Variants in ZNF251 observed in about 807,000 individuals in gnomAD.
The protein encoded by ZNF251 is zinc finger protein 251.
ZNF251 carries 14 observed loss-of-function variants against 13.5 expected under a neutral mutation model. The observed-to-expected ratio is 1.04, with a 90% CI of 0.69 to 1.63. ZNF251 has a LOEUF of 1.63. Ranked by LOEUF, ZNF251 falls within the 40% of genes most tolerant of loss-of-function variation. The pLI, the probability that ZNF251 is intolerant of heterozygous loss-of-function variation, is 0.00. For missense variants in ZNF251, 764 were observed against 834.9 expected, an observed-to-expected ratio of 0.92 and a Z score of 1.05; for synonymous variants, 287 against 295.2, an observed-to-expected ratio of 0.97 and a Z score of 0.28.
intron 4 of ZNF251, among the ~76,000 whole-genome samples, chr8:144,724,341 C>CT (rs887711607): frequency 1.3e-5 from 2 of 150,080 alleles, no homozygotes; most frequent in Admixed American, 6.6e-5. Flanking sequence ...AATAAATGAC[C>CT]TTTTTTTGAG....
chr8:144,732,636 C>T (rs779415771), intron 4 of ZNF251, among the ~76,000 whole-genome samples: 3 of 151,346 alleles, frequency 2.0e-5, no homozygotes, highest in Admixed American at 6.6e-5. Context: ...CACGGTGAAA[C>T]CCCGTCTCTA....
intron 1 of ZNF251, 179 bp from the exon 2 acceptor site, chr8:144,754,982 A>C: frequency 7.1e-7 from 1 of 1,401,176 alleles, no homozygotes; most frequent in African/African-American, 1.5e-5. Context: ...GGCCAGAGCC[A>C]GAGCCCGGGG....
chr8:144,744,928 C>T (rs866123671), intron 4 of ZNF251, among the ~76,000 whole-genome samples: 5 of 152,204 alleles, frequency 3.3e-5, no homozygotes, highest in South Asian at 2.1e-4. Context: ...TGGTGGCGGG[C>T]GCCTGTAATC....
intron 4 of ZNF251, among the ~76,000 whole-genome samples, chr8:144,729,339 T>A (rs190128176): frequency 0.12 from 9,925 of 81,974 alleles, 1,050 homozygotes; most frequent in African/African-American, 0.26. Flanking sequence ...ATTTTTATTT[T>A]TTTTTTTTTT....
At position 144,734,579 on chromosome 8, in the gene ZNF251, G is replaced by A. The variant is rs753564975; in HGVS notation, c.278-11197C>T. Among the ~76,000 whole-genome samples the A allele has an allele frequency of 5.9e-5, 9 of 152,196 alleles. No homozygotes were observed. The highest frequency in any genetic ancestry group is 8.8e-5 in the Non-Finnish European group (6 of 68,030). The stretch of plus-strand genomic sequence containing the variant: ...CACCAGAAAATGACGGCGCTGGTGG[G>A]TGCTGACCCTGGGTCAGTGACCTCC... On this transcript the variant is annotated intron_variant, in intron 4 of 4. Transcript: ENST00000292562. The surrounding 1 kb of genome is among the most constrained non-coding windows in gnomAD (Gnocchi z 4.4).
At chr8:144,738,595 C>T (rs983377853) in intron 4 of ZNF251, 39 of 985,468 alleles carry the variant, frequency 4.0e-5, no homozygotes, top group Middle Eastern at 1.0e-3. Flanking sequence ...TTGGCAGCCT[C>T]GTGATGCAAC....
intron 4 of ZNF251, among the ~76,000 whole-genome samples, chr8:144,728,675 A>G (rs927448212): frequency 2.0e-5 from 3 of 151,642 alleles, no homozygotes; most frequent in African/African-American, 4.9e-5. Context: ...AAAAAAAAAA[A>G]AAAAGGTTTG....
At chr8:144,732,799 G>C (rs1461161300) in intron 4 of ZNF251, among the ~76,000 whole-genome samples, 7 of 131,854 alleles carry the variant, frequency 5.3e-5, no homozygotes, top group Admixed American at 8.0e-5. Flanking sequence ...GCGACAGAGC[G>C]AGACTCCGTC....
chr8:144,754,696 C>T lies in ZNF251; in HGVS notation c.33G>A (p.Gln11=), dbSNP rs1824873532. The T allele has an allele frequency of 6.2e-7, 1 of 1,609,654 alleles. No homozygotes were observed. Among genetic ancestry groups the T allele is most frequent in the Non-Finnish European group, 8.5e-7 (1 of 1,177,946 alleles). Residue 11 remains glutamine (Q), a splice_region_variant and synonymous_variant, in exon 2 of 5, where the codon CAG becomes CAA. Coordinates refer to ENST00000292562, the MANE Select transcript of ZNF251 (RefSeq NM_138367.2). MAATFQLPGH[Q]EMPLTFQDVA... ...TGGGCAGGAAGGAGGGTTAACTCAC[C>T]TGGTGCCCTGGAAGCTGGAATGTGG... is the stretch of plus-strand genomic sequence containing the variant.
intron 4 of ZNF251, among the ~76,000 whole-genome samples, chr8:144,751,889 TAAG>T (rs1286134011): frequency 1.3e-5 from 2 of 152,092 alleles, no homozygotes; most frequent in African/African-American, 4.8e-5. Flanking sequence ...ACAGTAAGTA[TAAG>T]AAGGATGGAA....
At chr8:144,732,819 A>G (rs557823408) in intron 4 of ZNF251, among the ~76,000 whole-genome samples, 1 of 151,928 alleles carries the variant, frequency 6.6e-6, no homozygotes, top group South Asian at 2.1e-4. Flanking sequence ...CTCAAAAAAA[A>G]AAAAAAAAAA....
chr8:144,735,748 C>T (rs1455638122), intron 4 of ZNF251, among the ~76,000 whole-genome samples: 1 of 152,174 alleles, frequency 6.6e-6, no homozygotes, highest in Admixed American at 6.5e-5. Context: ...CACCCACCTC[C>T]TGCTAAGTGA....
rs1823366487 is a variant in ZNF251 at position 144,721,324 on chromosome 8, G to A, written c.*320C>T. On this transcript the variant is annotated 3_prime_UTR_variant, in exon 5 of 5. Transcript: ENST00000292562. ...GGATAGGAAACAAAGGATAAGACTGGAAGGATGTCAGGTAGGGTAGACCCA... is the reference window on the plus strand; with the variant it reads ...GGATAGGAAACAAAGGATAAGACTGAAAGGATGTCAGGTAGGGTAGACCCA... The A allele has an allele frequency of 1.1e-5, 4 of 376,680 alleles. No individual in the cohort carries two copies. The highest frequency in any genetic ancestry group is 1.9e-5 in the Non-Finnish European group (4 of 212,638). The allele number at this position is 376,680 out of a possible 1,614,324, so 23.3% of individuals were successfully genotyped here.
chr8:144,742,607 G>C (rs1357196827), intron 4 of ZNF251, among the ~76,000 whole-genome samples: 1 of 151,926 alleles, frequency 6.6e-6, no homozygotes. Context: ...TGATCTATGG[G>C]TTTTGCATCC....
At position 144,732,776 on chromosome 8, in the gene ZNF251, C is replaced by T. The variant is rs7820943; in HGVS notation, c.278-9394G>A. 6.6e-3 allele frequency among the ~76,000 whole-genome samples: 964 copies of T among 146,208 alleles called. 11 individuals carry two copies. Among genetic ancestry groups the T allele is most frequent in the African/African-American group, 0.022 (877 of 39,532 alleles). On this transcript the variant is annotated intron_variant, in intron 4 of 4. Transcript: ENST00000292562. ...GCAGTGAGCCAAGATCGCACCACTG[C>T]ACTCCAGCCTGGGCGACAGAGCGAG...
intron 4 of ZNF251, among the ~76,000 whole-genome samples, chr8:144,750,910 T>C (rs1057486903): frequency 6.6e-6 from 1 of 150,946 alleles, no homozygotes; most frequent in African/African-American, 2.4e-5. Flanking sequence ...AGTGCAGTAG[T>C]GCAATCTTGG....
At chr8:144,739,126 G>A (rs752192827) in intron 4 of ZNF251, among the ~76,000 whole-genome samples, 1 of 147,364 alleles carries the variant, frequency 6.8e-6, no homozygotes, top group Non-Finnish European at 1.5e-5. Flanking sequence ...CTCCCATCAC[G>A]ACTCCACCCC....
In ZNF251 at chr8:144,739,571, CA is replaced by C. The variant is rs545318014; in HGVS notation, c.277+14111del. Among the ~76,000 whole-genome samples the C allele has an allele frequency of 6.0e-3, 917 of 152,256 alleles. 5 individuals carry two copies. Among genetic ancestry groups the C allele is most frequent in the African/African-American group, 0.021 (874 of 41,544 alleles). On this transcript the variant is annotated intron_variant, in intron 4 of 4. Transcript: ENST00000292562. ...GCTTGACATATGAACTACATAGCAA[CA>C]AAAATGCCCAAAGTGCCGGAATTAC...
intron 4 of ZNF251, among the ~76,000 whole-genome samples, chr8:144,724,972 T>A (rs1467219333): frequency 6.6e-6 from 1 of 152,124 alleles, no homozygotes; most frequent in Non-Finnish European, 1.5e-5. Flanking sequence ...TATTTAGCAC[T>A]CAAACAATTA....
Sources: gnomAD v4.1 joint callset for allele counts (sites outside exome capture counted in the v4.1 genomes callset) on GRCh38, gnomAD v4.1.1 for gene constraint, Gnocchi (gnomAD v3.1) non-coding constraint, MANE v1.5 for transcripts, NCBI Gene and HGNC (gene_info 2026-07-23, HGNC 2026-07-21) for gene names.